CCDC3: variants seen among roughly 807,000 people sequenced by gnomAD.
The protein encoded by CCDC3 is coiled-coil domain-containing protein 3.
In CCDC3, 24 loss-of-function variants were observed where a neutral mutation model predicts 21.4. The ratio of observed to expected loss-of-function variants is 1.12; its 90% CI spans 0.81 to 1.58. The LOEUF (loss-of-function observed/expected upper bound fraction) is 1.58, where lower values mean the gene tolerates loss of function less well. Among genes scored for constraint, CCDC3 ranks in the 40% most tolerant of loss-of-function variants. The pLI, the probability that CCDC3 is intolerant of heterozygous loss-of-function variation, is 0.00. For synonymous variants in CCDC3, 186 were observed against 166.0 expected (o/e 1.12, Z -0.93); for missense variants, 425 against 360.9 (o/e 1.18, Z -1.44).
At chr10:12,954,734 A>G (rs939866221) in intron 2 of CCDC3, among the ~76,000 whole-genome samples, 1 of 152,244 alleles carries the variant, frequency 6.6e-6, no homozygotes, top group African/African-American at 2.4e-5. Context: ...AACACCTTCC[A>G]TTAGGCGGCA....
At chr10:12,998,308 G>T (rs1564314652) in intron 2 of CCDC3, 30 bp downstream of exon 2, 2 of 1,604,362 alleles carry the variant, frequency 1.2e-6, no homozygotes, top group Non-Finnish European at 1.7e-6. Flanking sequence ...CTATTGTTTT[G>T]CTGTGGCACA....
rs1832691153 is a variant in CCDC3, at chr10:13,099,555, G to A, written c.-856C>T. The A allele has an allele frequency of 2.0e-5, 3 of 151,772 alleles. No homozygotes were observed. The South Asian group carries it at 6.3e-4, about 32-fold the overall frequency. The allele number at this position is 151,772 out of a possible 1,614,324, so 9.4% of individuals were successfully genotyped here. ...GGGGCAGCTTCCCTCCTCCACACCA[G>A]CAGAGGCTATTCTTCAGCAACAAGA... On this transcript the variant is annotated 5_prime_UTR_variant, in exon 1 of 7. Coordinates refer to the CCDC3 transcript ENST00000378839.
At chr10:12,932,694 T>C (rs1834666593) in intron 2 of CCDC3, among the ~76,000 whole-genome samples, 1 of 152,232 alleles carries the variant, frequency 6.6e-6, no homozygotes. Context: ...ACTTCCAATA[T>C]GATGTTGAAA....
intron 1 of CCDC3, 111 bp downstream of exon 1, chr10:13,001,086 A>G: frequency 7.2e-7 from 1 of 1,383,424 alleles, no homozygotes; most frequent in Non-Finnish European, 9.7e-7. Flanking sequence ...GGGCATTCTC[A>G]CTTGACACCG....
chr10:12,900,591 T>G (rs1469828035), intron 2 of CCDC3, among the ~76,000 whole-genome samples: 1 of 138,276 alleles, frequency 7.2e-6, no homozygotes, highest in Non-Finnish European at 1.5e-5. Flanking sequence ...CTCGGGAGGC[T>G]GAGGCAGGAG....
At chr10:12,959,398 C>T (rs151258223) in intron 2 of CCDC3, among the ~76,000 whole-genome samples, 1,866 of 152,180 alleles carry the variant, frequency 0.012, 38 homozygotes, top group African/African-American at 0.043. Context: ...GAACTCCTGG[C>T]CTCAGGGGAT....
chr10:13,032,021 G>T (rs1836310997), intron 5 of CCDC3, among the ~76,000 whole-genome samples: 1 of 151,988 alleles, frequency 6.6e-6, no homozygotes, highest in Non-Finnish European at 1.5e-5. Flanking sequence ...TACCAAAGCC[G>T]GGCAGAGACA....
chr10:12,961,429 C>T (rs1265278691), intron 2 of CCDC3, among the ~76,000 whole-genome samples: 1 of 152,172 alleles, frequency 6.6e-6, no homozygotes, highest in Non-Finnish European at 1.5e-5. Flanking sequence ...ATCCAAATAA[C>T]ATTCGGGGTG....
intron 2 of CCDC3, among the ~76,000 whole-genome samples, chr10:12,919,633 T>C (rs1482698177): frequency 1.3e-5 from 2 of 148,910 alleles, no homozygotes; most frequent in African/African-American, 4.9e-5. Context: ...AGAGTCACAC[T>C]CTTTAAAGGG....
intron 3 of CCDC3, among the ~76,000 whole-genome samples, chr10:13,075,098 A>C (rs1836945902): frequency 6.6e-6 from 1 of 152,138 alleles, no homozygotes; most frequent in Non-Finnish European, 1.5e-5. Flanking sequence ...CTGATGAACG[A>C]ATGGTTTCCC....
Position 12,918,481 on chromosome 10 carries a change from G to GT in CCDC3, c.550-19803dup, listed in dbSNP as rs562852571. ...TCCTTAAAGACACTTGATTCCTTCT[G>GT]TAATTCCTAATCAGGGAACCAAAGC... On this transcript the variant is annotated intron_variant, in intron 2 of 2. Transcript: ENST00000378825. Among the ~76,000 whole-genome samples, 15 of 152,270 alleles carry GT rather than the reference G, an allele frequency of 9.9e-5. No individual in the cohort carries two copies. The East Asian group carries it at 2.3e-3, about 24-fold the overall frequency.
chr10:13,001,395 T>C lies in CCDC3; in HGVS notation c.176A>G (p.Tyr59Cys). ...GTGGTACTGCCAGGGCAGGTGGTTG[T>C]AGAGGCCGGGCGCCTCGGGGTGCAG... ...LALHPEAPGLYNHLPWQYHAG... is the reference protein window; with the variant it reads ...LALHPEAPGLCNHLPWQYHAG... Residue 59 changes from tyrosine (Y) to cysteine (C), a missense_variant, in exon 1 of 3, where the codon TAC becomes TGC. Transcript: ENST00000378825. 7 of 1,577,946 alleles carry C rather than the reference T, an allele frequency of 4.4e-6. No homozygotes were observed. The highest frequency in any genetic ancestry group is 2.3e-5 in the East Asian group (1 of 43,198).
intron 2 of CCDC3, among the ~76,000 whole-genome samples, chr10:12,976,737 C>G (rs1027474120): frequency 3.3e-5 from 5 of 152,146 alleles, no homozygotes; most frequent in Non-Finnish European, 7.3e-5. Context: ...ACAGGGGATT[C>G]TTGGGGCAGT....
intron 5 of CCDC3, among the ~76,000 whole-genome samples, chr10:13,014,281 T>C (rs1836021441): frequency 6.7e-6 from 1 of 150,294 alleles, no homozygotes; most frequent in Non-Finnish European, 1.5e-5. Context: ...AAACCTCATC[T>C]CTACTAAAAA....
intron 3 of CCDC3, among the ~76,000 whole-genome samples, chr10:13,091,450 C>G (rs1832570041): frequency 6.6e-6 from 1 of 152,156 alleles, no homozygotes; most frequent in Admixed American, 6.5e-5. Context: ...GAGGCAGGCC[C>G]TCACCAGACA....
intron 2 of CCDC3, among the ~76,000 whole-genome samples, chr10:12,987,068 C>T (rs1021818027): frequency 1.3e-5 from 2 of 152,132 alleles, no homozygotes; most frequent in African/African-American, 2.4e-5. Flanking sequence ...GCACCCTCAT[C>T]GGCCCTCCAT....
At chr10:13,070,512 C>T (rs1450413511) in intron 4 of CCDC3, among the ~76,000 whole-genome samples, 4 of 152,132 alleles carry the variant, frequency 2.6e-5, no homozygotes, top group East Asian at 1.9e-4. Flanking sequence ...CTCATATCTT[C>T]GTACACAGTC....
intron 2 of CCDC3, among the ~76,000 whole-genome samples, chr10:12,972,242 C>T (rs978499566): frequency 1.3e-5 from 2 of 152,162 alleles, no homozygotes; most frequent in South Asian, 2.1e-4. Context: ...CATGTTTTCA[C>T]CACATTTACA....
intron 4 of CCDC3, chr10:13,050,030 G>C (rs1836583119): frequency 6.6e-6 from 1 of 152,184 alleles, no homozygotes; most frequent in African/African-American, 2.4e-5. Flanking sequence ...CTGTCATTTT[G>C]ATTCCGCTGG....
Sources: allele counts gnomAD v4.1 joint callset (sites outside exome capture counted in the v4.1 genomes callset), GRCh38; gene constraint gnomAD v4.1.1; transcripts MANE v1.5; gene names NCBI Gene and HGNC (gene_info 2026-07-23, HGNC 2026-07-21).